The following PRKN variants were observed in gnomAD, a reference collection of about 807,000 sequenced individuals.
PRKN encodes parkin RBR E3 ubiquitin protein ligase, also known as E3 ubiquitin-protein ligase parkin.
In PRKN, 56 loss-of-function variants were observed where a neutral mutation model predicts 59.5. That is an observed-to-expected ratio of 0.94 (90% confidence interval 0.76 to 1.18). PRKN has a LOEUF of 1.18. Ranked by LOEUF, PRKN falls within the 50% of genes most tolerant of loss-of-function variation. The probability of loss-of-function intolerance (pLI) is 0.00; values close to 1 mark genes in which losing one functional copy is unlikely to be tolerated. For missense variants in PRKN, 657 were observed against 596.4 expected, an observed-to-expected ratio of 1.10 and a Z score of -1.06; for synonymous variants, 250 against 222.1, an observed-to-expected ratio of 1.13 and a Z score of -1.12.
At chr6:161,864,933 C>G (rs113883652) in intron 6 of PRKN, among the ~76,000 whole-genome samples, 3 of 152,106 alleles carry the variant, frequency 2.0e-5, no homozygotes, top group African/African-American at 7.2e-5. Context: ...GGATTACAGG[C>G]GTGAACCATC....
intron 1 of PRKN, among the ~76,000 whole-genome samples, chr6:162,678,474 C>G (rs369320384): frequency 6.6e-6 from 1 of 152,180 alleles, no homozygotes; most frequent in Non-Finnish European, 1.5e-5. Context: ...TGGCATCTTT[C>G]AAATTTCAGA....
chr6:162,641,387 A>G (rs1777952498), intron 1 of PRKN, among the ~76,000 whole-genome samples: 1 of 152,042 alleles, frequency 6.6e-6, no homozygotes, highest in African/African-American at 2.4e-5. Context: ...AAATTGTAGA[A>G]GGCAAAAATC....
intron 3 of PRKN, among the ~76,000 whole-genome samples, chr6:162,215,901 G>GGGC (rs1777629630): frequency 6.6e-6 from 1 of 151,976 alleles, no homozygotes; most frequent in Non-Finnish European, 1.5e-5. Context: ...AAAATTAGCT[G>GGGC]GCATGGTGGT....
intron 2 of PRKN, among the ~76,000 whole-genome samples, chr6:162,361,196 C>G (rs76665061): frequency 6.6e-6 from 1 of 151,872 alleles, no homozygotes; most frequent in South Asian, 2.1e-4. Flanking sequence ...TTCAGAAGTT[C>G]GCTTTGCATT....
chr6:162,469,202 G>A (rs936310094), intron 1 of PRKN, among the ~76,000 whole-genome samples: 14 of 152,102 alleles, frequency 9.2e-5, no homozygotes, highest in African/African-American at 2.7e-4. Flanking sequence ...AGACTACTGT[G>A]TTTGAAGGCA....
chr6:162,491,756 G>A (rs566418264), intron 1 of PRKN, among the ~76,000 whole-genome samples: 2 of 152,242 alleles, frequency 1.3e-5, no homozygotes, highest in South Asian at 2.1e-4. Flanking sequence ...GGTCCACACC[G>A]GGTAGCTTGT....
Position 161,484,618 on chromosome 6 carries a change from G to A in PRKN, c.1083+64236C>T, listed in dbSNP as rs541692098. ...CGGACGGCATCAGAACTAAACGCAG[G>A]GAGTCTGACTCAGGGTGTTCAATCT... On this transcript the variant is annotated intron_variant, in intron 9 of 11. Coordinates refer to ENST00000366898, the MANE Select transcript of PRKN (RefSeq NM_004562.3). This position sits in a 1 kb window ranked among gnomAD's most constrained non-coding sequence, Gnocchi z 4.9. 6.6e-6 allele frequency among the ~76,000 whole-genome samples: 1 copy of A among 152,188 alleles called. No individual in the cohort carries two copies. The highest frequency in any genetic ancestry group is 1.9e-4 in the East Asian group (1 of 5,158).
At chr6:162,238,358 G>A (rs1778834144) in intron 3 of PRKN, among the ~76,000 whole-genome samples, 1 of 152,150 alleles carries the variant, frequency 6.6e-6, no homozygotes, top group Non-Finnish European at 1.5e-5. Flanking sequence ...CTAGATTTGT[G>A]TAAGTATACT....
chr6:161,368,455 T>G, intron 10 of PRKN, among the ~76,000 whole-genome samples: 1 of 145,656 alleles, frequency 6.9e-6, no homozygotes, highest in African/African-American at 2.6e-5. Flanking sequence ...CTCAGGAGGT[T>G]GAGGCATGAG....
rs996898707 is a variant in PRKN at position 161,893,141 on chromosome 6, C to T, written c.734+80161G>A. ...CAGGCGTGAGCCACCGCACCCAGCC[C>T]ATCAATATTTTGTTTTAAAGGTGCT... On this transcript the variant is annotated intron_variant, in intron 6 of 11. Coordinates refer to ENST00000366898, the MANE Select transcript of PRKN (RefSeq NM_004562.3). Among the ~76,000 whole-genome samples the T allele has an allele frequency of 2.6e-5, 4 of 152,290 alleles. No individual in the cohort carries two copies. The South Asian group carries it at 8.3e-4, about 32-fold the overall frequency.
chr6:161,741,155 A>G (rs959657862), intron 7 of PRKN, among the ~76,000 whole-genome samples: 3 of 152,220 alleles, frequency 2.0e-5, no homozygotes, highest in Admixed American at 6.5e-5. Context: ...CCTTGCAGTC[A>G]TTCATGCAAC....
At chr6:161,624,703 C>T (rs1783024792) in intron 7 of PRKN, among the ~76,000 whole-genome samples, 1 of 152,214 alleles carries the variant, frequency 6.6e-6, no homozygotes, top group Non-Finnish European at 1.5e-5. Flanking sequence ...CATTTTCATC[C>T]CACAGGAAAC....
intron 1 of PRKN, among the ~76,000 whole-genome samples, chr6:162,591,936 A>T (rs373311907): frequency 1.1e-3 from 172 of 151,264 alleles, no homozygotes; most frequent in African/African-American, 3.7e-3. Context: ...AGATTCCAAT[A>T]ATAGCAGTTA....
intron 1 of PRKN, among the ~76,000 whole-genome samples, chr6:162,699,005 TA>T (rs1156582786): frequency 6.6e-6 from 1 of 152,082 alleles, no homozygotes; most frequent in African/African-American, 2.4e-5. Context: ...AGGGTTTTGT[TA>T]ATCATTTAAA....
At chr6:162,372,895 T>C (rs765678409) in intron 2 of PRKN, among the ~76,000 whole-genome samples, 4 of 152,180 alleles carry the variant, frequency 2.6e-5, no homozygotes, top group Non-Finnish European at 5.9e-5. Flanking sequence ...AGAAAAAGAC[T>C]GAGTATGTAG....
intron 7 of PRKN, among the ~76,000 whole-genome samples, chr6:161,717,416 T>G (rs1004826): frequency 0.26 from 40,087 of 151,694 alleles, 9,697 homozygotes; most frequent in African/African-American, 0.65. Context: ...CCATAATAAG[T>G]GCTGTGAAGA....
At chr6:162,600,293 T>C (rs1334349700) in intron 1 of PRKN, among the ~76,000 whole-genome samples, 3 of 152,342 alleles carry the variant, frequency 2.0e-5, no homozygotes, top group Non-Finnish European at 2.9e-5. Context: ...CATATTATTG[T>C]ACATATCAGT....
chr6:162,588,846 C>T (rs997589148), intron 1 of PRKN, among the ~76,000 whole-genome samples: 9 of 152,130 alleles, frequency 5.9e-5, no homozygotes, highest in South Asian at 2.1e-4. Flanking sequence ...CCACCGCGCC[C>T]GGCCCAGAGC....
At chr6:162,234,364 A>T (rs1778552723) in intron 3 of PRKN, among the ~76,000 whole-genome samples, 1 of 152,160 alleles carries the variant, frequency 6.6e-6, no homozygotes, top group Non-Finnish European at 1.5e-5. Flanking sequence ...TATATACTAA[A>T]AGGTTTGATT....
Sources: allele counts gnomAD v4.1 joint callset (sites outside exome capture counted in the v4.1 genomes callset), GRCh38; gene constraint gnomAD v4.1.1; non-coding constraint Gnocchi (gnomAD v3.1); transcripts MANE v1.5; gene names NCBI Gene and HGNC (gene_info 2026-07-23, HGNC 2026-07-21).